Variants in PRICKLE2 observed in about 807,000 individuals in gnomAD.
The protein encoded by PRICKLE2 is prickle-like protein 2.
Under a neutral mutation model 81.4 loss-of-function variants are expected in PRICKLE2, and 21 were observed. The observed-to-expected ratio is 0.26, with a 90% CI of 0.18 to 0.37. The LOEUF (loss-of-function observed/expected upper bound fraction) is 0.37, where lower values mean the gene tolerates loss of function less well. Among genes scored for constraint, PRICKLE2 ranks in the 10% least tolerant of loss-of-function variants. The pLI, the probability that PRICKLE2 is intolerant of heterozygous loss-of-function variation, is 1.00. For synonymous variants in PRICKLE2, 456 were observed against 421.5 expected (o/e 1.08, Z -1.00); for missense variants, 940 against 1,109.0 (o/e 0.85, Z 2.16).
At chr3:64,119,709 T>C (rs2106965282) in intron 7 of PRICKLE2, among the ~76,000 whole-genome samples, 1 of 152,344 alleles carries the variant, frequency 6.6e-6, no homozygotes, top group African/African-American at 2.4e-5. Context: ...TTACCGGGTA[T>C]ATATCCAAAA....
rs2076583846 is a variant in PRICKLE2, at chr3:64,097,203, G to GA, written c.*1847dup. The GA allele has an allele frequency of 6.6e-6, 1 of 152,536 alleles. No homozygotes were observed. Among genetic ancestry groups the GA allele is most frequent in the African/African-American group, 2.4e-5 (1 of 41,418 alleles). 9.4% of individuals were successfully genotyped at this position (152,536 alleles called of 1,614,324 possible). A position where few individuals can be genotyped will look rare whatever the true frequency, so the allele number is the denominator to read the frequency against. ...AATGACAAATGTCATATTAATACCT[G>GA]AAAAGCAAATTATTTTAATACATCC... is the stretch of plus-strand genomic sequence containing the variant. On this transcript the variant is annotated 3_prime_UTR_variant, in exon 8 of 8. Transcript: ENST00000638394.
intron 2 of PRICKLE2, among the ~76,000 whole-genome samples, chr3:64,254,921 A>G (rs1163517287): frequency 6.6e-6 from 1 of 152,154 alleles, no homozygotes; most frequent in Non-Finnish European, 1.5e-5. Flanking sequence ...TTAAAAATGG[A>G]ATGATGATGC....
intron 7 of PRICKLE2, among the ~76,000 whole-genome samples, chr3:64,117,084 A>G (rs1223655936): frequency 6.6e-6 from 1 of 152,228 alleles, no homozygotes; most frequent in Admixed American, 6.5e-5. Context: ...ACATAAACAG[A>G]ACTAAAGACG....
At chr3:64,235,529 G>GC (rs1559596707) in intron 2 of PRICKLE2, among the ~76,000 whole-genome samples, 1 of 152,124 alleles carries the variant, frequency 6.6e-6, no homozygotes, top group Non-Finnish European at 1.5e-5. Context: ...CCACCACCCT[G>GC]CCCCCCTTCT....
chr3:64,102,357 A>T (rs887366520), intron 7 of PRICKLE2: 1 of 152,308 alleles, frequency 6.6e-6, no homozygotes, highest in African/African-American at 2.4e-5. Context: ...CATTGCTCCA[A>T]CTACTGCCTG....
At chr3:64,184,790 C>T (rs892810738) in intron 2 of PRICKLE2, among the ~76,000 whole-genome samples, 11 of 152,188 alleles carry the variant, frequency 7.2e-5, no homozygotes, top group African/African-American at 2.4e-4. Context: ...GCCAGAAGAG[C>T]TGTTTCTCAT....
rs966025793 is a variant in PRICKLE2 at position 64,175,977 on chromosome 3, C to G, written c.145-12848G>C. Among the ~76,000 whole-genome samples, 12 of 152,272 alleles carry G rather than the reference C, an allele frequency of 7.9e-5. No individual in the cohort carries two copies. In the East Asian group the frequency reaches 2.3e-3, roughly 29 times the overall value. ...CATGAAGCACCTAGGCTCTTCCTGTCTTTCTGTACCCATCATCCATGTGTT... is the reference window on the plus strand; with the variant it reads ...CATGAAGCACCTAGGCTCTTCCTGTGTTTCTGTACCCATCATCCATGTGTT... On this transcript the variant is annotated intron_variant, in intron 2 of 7. Coordinates refer to ENST00000638394, the MANE Select transcript of PRICKLE2 (RefSeq NM_198859.4).
intron 7 of PRICKLE2, among the ~76,000 whole-genome samples, chr3:64,142,571 A>G (rs901752766): frequency 1.1e-4 from 16 of 152,118 alleles, no homozygotes; most frequent in Admixed American, 2.0e-4. Context: ...TTGGCCTCCC[A>G]AAGTGTTGAG....
At chr3:64,179,005 TTCTTTC>T (rs1371866193) in intron 2 of PRICKLE2, among the ~76,000 whole-genome samples, 1 of 149,596 alleles carries the variant, frequency 6.7e-6, no homozygotes, top group Non-Finnish European at 1.5e-5. Flanking sequence ...CTTTCTTTCT[TTCTTTC>T]TTTCTTTCTT....
chr3:64,208,898 A>G (rs930010503), intron 1 of PRICKLE2, among the ~76,000 whole-genome samples: 1 of 152,108 alleles, frequency 6.6e-6, no homozygotes, highest in Non-Finnish European at 1.5e-5. Context: ...TTCCATCCAT[A>G]TCCATCCATC....
At chr3:64,190,915 C>T (rs764431675) in intron 2 of PRICKLE2, among the ~76,000 whole-genome samples, 5 of 152,170 alleles carry the variant, frequency 3.3e-5, no homozygotes, top group African/African-American at 1.2e-4. Context: ...ATCTCAGGCA[C>T]CAAGGAAGGT....
intron 1 of PRICKLE2, among the ~76,000 whole-genome samples, chr3:64,220,511 C>G (rs898275386): frequency 6.6e-6 from 1 of 152,144 alleles, no homozygotes; most frequent in Non-Finnish European, 1.5e-5. Context: ...TCCTGTGCTG[C>G]CTTCAGTGCC....
intron 2 of PRICKLE2, among the ~76,000 whole-genome samples, chr3:64,247,252 C>G (rs1207949787): frequency 1.3e-5 from 2 of 152,074 alleles, no homozygotes; most frequent in African/African-American, 4.8e-5. Flanking sequence ...CAGAAGACTC[C>G]TAAAATATAC....
chr3:64,203,593 C>T (rs1019674761), intron 1 of PRICKLE2, among the ~76,000 whole-genome samples: 3 of 151,980 alleles, frequency 2.0e-5, no homozygotes, highest in African/African-American at 7.3e-5. Flanking sequence ...ACTGAGGATC[C>T]AGGAGAAGGA....
rs1333442227 is a variant in PRICKLE2, at chr3:64,093,723, C to T, written c.*5328G>A. On this transcript the variant is annotated 3_prime_UTR_variant, in exon 8 of 8. Transcript: ENST00000638394. ...TCAATATTGCTGAGGCTTAGAAACCCTGATTTAAACAATCAGGTTAATATT... is the reference window on the plus strand; with the variant it reads ...TCAATATTGCTGAGGCTTAGAAACCTTGATTTAAACAATCAGGTTAATATT... The T allele has an allele frequency of 6.6e-6, 1 of 152,116 alleles. No homozygotes were observed. The highest frequency in any genetic ancestry group is 2.4e-5 in the African/African-American group (1 of 41,400). 9.4% of individuals were successfully genotyped at this position (152,116 alleles called of 1,614,324 possible).
chr3:64,160,093 C>G lies in PRICKLE2; in HGVS notation c.259-16G>C. On this transcript the variant is annotated splice_polypyrimidine_tract_variant and intron_variant, in intron 3 of 7. Coordinates refer to ENST00000638394, the MANE Select transcript of PRICKLE2 (RefSeq NM_198859.4). The stretch of plus-strand genomic sequence containing the variant: ...AATATCGAACCTGAATAGACACAGA[C>G]AATGGCATGGAAAAAGTCACCCTTG... 1 of 1,613,436 alleles carries G rather than the reference C, an allele frequency of 6.2e-7. No individual in the cohort carries two copies. The highest frequency in any genetic ancestry group is 8.5e-7 in the Non-Finnish European group (1 of 1,179,684).
intron 2 of PRICKLE2, among the ~76,000 whole-genome samples, chr3:64,183,386 A>T (rs960567210): frequency 6.6e-6 from 1 of 152,174 alleles, no homozygotes; most frequent in Non-Finnish European, 1.5e-5. Flanking sequence ...ACAAAATAAC[A>T]CATATATTTA....
intron 7 of PRICKLE2, chr3:64,142,018 C>G (rs2077369941): frequency 1.2e-6 from 1 of 863,874 alleles, no homozygotes; most frequent in Non-Finnish European, 1.4e-6. Context: ...AATTTTCTAG[C>G]AAAATTCAAA....
intron 2 of PRICKLE2, among the ~76,000 whole-genome samples, chr3:64,164,478 G>C (rs183760322): frequency 8.6e-4 from 131 of 152,324 alleles, no homozygotes; most frequent in African/African-American, 3.0e-3. Flanking sequence ...AGGTGCGAAA[G>C]CTCTGTCTAC....
Sources: allele counts gnomAD v4.1 joint callset (sites outside exome capture counted in the v4.1 genomes callset), GRCh38; gene constraint gnomAD v4.1.1; transcripts MANE v1.5; gene names NCBI Gene and HGNC (gene_info 2026-07-23, HGNC 2026-07-21).